Variants in PRELID2 observed in about 807,000 individuals in gnomAD.
PRELID2 encodes the protein PRELI domain containing 2.
A neutral mutation model predicts 28.4 loss-of-function variants in PRELID2; 25 were observed. The ratio of observed to expected loss-of-function variants is 0.88; its 90% CI spans 0.64 to 1.23. PRELID2 has a LOEUF of 1.23. PRELID2 is among the 50% of genes most tolerant of loss of function. The pLI is 0.00. For missense variants in PRELID2, 201 were observed against 214.4 expected, an observed-to-expected ratio of 0.94 and a Z score of 0.39; for synonymous variants, 76 against 71.6, an observed-to-expected ratio of 1.06 and a Z score of -0.31.
intron 1 of PRELID2, among the ~76,000 whole-genome samples, chr5:145,496,082 C>T (rs979422552): frequency 6.6e-6 from 1 of 152,082 alleles, no homozygotes. Context: ...TATAGTAATA[C>T]TATGTGCTAT....
At chr5:145,229,417 C>A in the PRELID2 span, 28 of 764,076 alleles carry the variant, frequency 3.7e-5, 1 homozygote, top group Middle Eastern at 3.5e-4. Flanking sequence ...ACCCCAAGAA[C>A]CAAGTGCCTC....
chr5:145,712,426 G>A (rs901315226), intron 1 of PRELID2, among the ~76,000 whole-genome samples: 1 of 152,096 alleles, frequency 6.6e-6, no homozygotes, highest in South Asian at 2.1e-4. Flanking sequence ...AAATTGGCAA[G>A]GGTAGAAATC....
intron 1 of PRELID2, among the ~76,000 whole-genome samples, chr5:145,537,838 T>G (rs753921532): frequency 7.2e-5 from 11 of 151,910 alleles, no homozygotes; most frequent in Non-Finnish European, 1.3e-4. Flanking sequence ...ACCTTTTTAG[T>G]TTGATGTAAT....
the PRELID2 span, among the ~76,000 whole-genome samples, chr5:145,260,684 A>G: frequency 1.3e-5 from 2 of 152,206 alleles, no homozygotes; most frequent in Non-Finnish European, 2.9e-5. Flanking sequence ...GGCAGAAAAA[A>G]TGGTAGATAG....
the PRELID2 span, among the ~76,000 whole-genome samples, chr5:145,460,290 C>G: frequency 6.6e-6 from 1 of 152,286 alleles, no homozygotes; most frequent in Non-Finnish European, 1.5e-5. Context: ...ACACTGCCAC[C>G]ATGCACACCA....
intron 1 of PRELID2, among the ~76,000 whole-genome samples, chr5:145,597,290 C>T (rs934967235): frequency 6.6e-6 from 1 of 152,082 alleles, no homozygotes; most frequent in Non-Finnish European, 1.5e-5. Flanking sequence ...TTTTCCTTTA[C>T]TATCCCTAGA....
At chr5:145,781,363 A>T (rs184090932) in intron 5 of PRELID2, among the ~76,000 whole-genome samples, 3 of 152,268 alleles carry the variant, frequency 2.0e-5, no homozygotes, top group Admixed American at 2.0e-4. Flanking sequence ...ATTCTGTATT[A>T]GTCCCTCAGC....
At chr5:145,675,145 C>G in intron 1 of PRELID2, among the ~76,000 whole-genome samples, 1 of 151,792 alleles carries the variant, frequency 6.6e-6, no homozygotes, top group East Asian at 1.9e-4. Flanking sequence ...CAGAAAAAAA[C>G]ACTTGCCACT....
intron 1 of PRELID2, among the ~76,000 whole-genome samples, chr5:145,480,739 T>G (rs1752151211): frequency 6.6e-6 from 1 of 152,172 alleles, no homozygotes; most frequent in African/African-American, 2.4e-5. Context: ...CCCTGAGATC[T>G]GCTACATTTA....
chr5:145,726,588 T>G (rs2149722296), intron 1 of PRELID2, among the ~76,000 whole-genome samples: 1 of 152,356 alleles, frequency 6.6e-6, no homozygotes, highest in East Asian at 1.9e-4. Flanking sequence ...TACAAGTATG[T>G]TCACTGGCAC....
chr5:145,648,013 G>A (rs1754226663), intron 1 of PRELID2, among the ~76,000 whole-genome samples: 1 of 152,170 alleles, frequency 6.6e-6, no homozygotes, highest in Non-Finnish European at 1.5e-5. Flanking sequence ...GAGAAATGGA[G>A]ATTTTTATAC....
chr5:145,435,489 C>A, the PRELID2 span, among the ~76,000 whole-genome samples: 2 of 152,138 alleles, frequency 1.3e-5, no homozygotes, highest in African/African-American at 4.8e-5. Flanking sequence ...TCTAAAGAAA[C>A]AACACTTTCC....
chr5:145,819,348 T>G (rs745551684), intron 3 of PRELID2: 4 of 1,508,610 alleles, frequency 2.7e-6, no homozygotes, highest in Non-Finnish European at 3.7e-6. Context: ...CCTCTATGGG[T>G]CAAGCAATGT....
intron 1 of PRELID2, among the ~76,000 whole-genome samples, chr5:145,503,809 T>A (rs1347182490): frequency 2.0e-5 from 3 of 152,222 alleles, no homozygotes; most frequent in African/African-American, 7.2e-5. Context: ...ACTCATTCGA[T>A]CATGAATCAT....
intron 1 of PRELID2, among the ~76,000 whole-genome samples, chr5:145,632,563 A>G (rs1753947588): frequency 6.6e-6 from 1 of 152,180 alleles, no homozygotes; most frequent in African/African-American, 2.4e-5. Context: ...GAAAGGTAGG[A>G]CTGAGAATGT....
At chr5:145,453,090 A>G in the PRELID2 span, among the ~76,000 whole-genome samples, 5 of 152,220 alleles carry the variant, frequency 3.3e-5, no homozygotes, top group East Asian at 9.7e-4. Context: ...ATGGAGGGGG[A>G]TTTATTTTGA....
chr5:145,425,542 T>C, the PRELID2 span, among the ~76,000 whole-genome samples: 6 of 152,128 alleles, frequency 3.9e-5, no homozygotes, highest in African/African-American at 1.4e-4. Context: ...ACACAAAGTG[T>C]GGTAAACATA....
intron 1 of PRELID2, among the ~76,000 whole-genome samples, chr5:145,563,402 A>G (rs1752940356): frequency 1.3e-5 from 2 of 152,334 alleles, no homozygotes; most frequent in Middle Eastern, 3.4e-3. Context: ...GATTGTTCGG[A>G]TAGATGAATG....
At chr5:145,594,136 G>C (rs1320277109) in intron 1 of PRELID2, among the ~76,000 whole-genome samples, 1 of 152,094 alleles carries the variant, frequency 6.6e-6, no homozygotes, top group African/African-American at 2.4e-5. Flanking sequence ...CCCTTGATAA[G>C]CATCCATAGA....
Sources: allele counts gnomAD v4.1 joint callset (sites outside exome capture counted in the v4.1 genomes callset), GRCh38; gene constraint gnomAD v4.1.1; transcripts MANE v1.5; gene names NCBI Gene and HGNC (gene_info 2026-07-23, HGNC 2026-07-21).